The following FANCA variants were observed in gnomAD, a reference collection of about 807,000 sequenced individuals.
FANCA encodes FA complementation group A.
In FANCA, 236 loss-of-function variants were observed where a neutral mutation model predicts 194.3. That is an observed-to-expected ratio of 1.21 (90% confidence interval 1.09 to 1.35). FANCA has a LOEUF of 1.35. Ranked by LOEUF, FANCA falls within the 40% of genes most tolerant of loss-of-function variation. The pLI is 0.00. For missense variants in FANCA, 2,628 were observed against 1,813.9 expected (o/e 1.45, Z -8.15); for synonymous variants, 1,014 against 715.8 (o/e 1.42, Z -6.65).
intron 30 of FANCA, among the ~76,000 whole-genome samples, chr16:89,754,662 C>G (rs1352418700): frequency 6.6e-6 from 1 of 152,078 alleles, no homozygotes; most frequent in African/African-American, 2.4e-5. Flanking sequence ...AGCCACCATG[C>G]CTGGCCAGAC....
rs13336566 is a variant in FANCA at position 89,799,202 on chromosome 16, T to C, written c.857A>G (p.Gln286Arg). 766 of 1,614,102 alleles carry C rather than the reference T, an allele frequency of 4.7e-4. 4 individuals carry two copies. In the African/African-American group the frequency reaches 9.5e-3, roughly 20 times the overall value. ...GATCTTGTGAGTGGAGGACTCCTCCTGTACTCCAGCAGCCAAAGCGTCAAG... is the reference window on the plus strand; with the variant it reads ...GATCTTGTGAGTGGAGGACTCCTCCCGTACTCCAGCAGCCAAAGCGTCAAG... The part of the protein sequence containing the change: ...FALDALAAGV[Q>R]EESSTHKIVR... The change falls in exon 10 of 43, where the codon CAG becomes CGG. Residue 286 changes from glutamine (Q) to arginine (R), a missense_variant. Transcript: ENST00000389301.
At chr16:89,812,986 T>C (rs1414334437) in intron 3 of FANCA, among the ~76,000 whole-genome samples, 2 of 147,486 alleles carry the variant, frequency 1.4e-5, no homozygotes, top group Admixed American at 1.4e-4. Flanking sequence ...TGAGCCGAGA[T>C]GGCGCCATTG....
Position 89,738,434 on chromosome 16 carries a change from A to G in FANCA, c.*167T>C. The G allele has an allele frequency of 7.3e-7, 1 of 1,377,386 alleles. No homozygotes were observed. The highest frequency in any genetic ancestry group is 9.9e-7 in the Non-Finnish European group (1 of 1,009,470). 85.3% of individuals were successfully genotyped at this position (1,377,386 alleles called of 1,614,324 possible). Reference sequence around the variant, plus strand: ...GGACCAGTGGTTTATTTTCCCGCAAACGCTGAGTGACTCGGGGCCGGACAG... The same window carrying G: ...GGACCAGTGGTTTATTTTCCCGCAAGCGCTGAGTGACTCGGGGCCGGACAG... On this transcript the variant is annotated 3_prime_UTR_variant, in exon 43 of 43. Transcript: ENST00000389301.
At chr16:89,775,881 C>A in intron 20 of FANCA, 66 bp from the exon 21 acceptor site, 1 of 964,698 alleles carries the variant, frequency 1.0e-6, no homozygotes, top group South Asian at 1.4e-5. Flanking sequence ...ATTACAATCC[C>A]CAAATCTATT....
chr16:89,771,576 G>T, intron 23 of FANCA, 102 bp downstream of exon 23: 1 of 1,375,680 alleles, frequency 7.3e-7, no homozygotes. Context: ...CACTAACTGA[G>T]CAAGTCAAAC....
At chr16:89,774,334 G>C (rs1453339579) in intron 21 of FANCA, among the ~76,000 whole-genome samples, 2 of 150,488 alleles carry the variant, frequency 1.3e-5, no homozygotes, top group African/African-American at 2.4e-5. Flanking sequence ...GAGGATCCTG[G>C]GGGAAGGAGG....
intron 31 of FANCA, among the ~76,000 whole-genome samples, chr16:89,750,454 G>A (rs1343347633): frequency 6.8e-6 from 1 of 147,788 alleles, no homozygotes; most frequent in Non-Finnish European, 1.5e-5. Context: ...CTGCACTTCA[G>A]ACTGGGCAAC....
chr16:89,776,201 A>G lies in FANCA; in HGVS notation c.1827-386T>C, dbSNP rs1598121920. 2.7e-5 allele frequency among the ~76,000 whole-genome samples: 3 copies of G among 112,990 alleles called. No individual in the cohort carries two copies. The South Asian group carries it at 8.4e-4, about 32-fold the overall frequency. The allele number at this position is 112,990 out of a possible 152,430, so 74.1% of individuals were successfully genotyped here. On this transcript the variant is annotated intron_variant, in intron 20 of 42. Transcript: ENST00000389301. ...TTTTTTTTTTGAGACAGAGTCTCCCACTATCACCCACACTGGAGTGCAGTG... is the reference window on the plus strand; with the variant it reads ...TTTTTTTTTTGAGACAGAGTCTCCCGCTATCACCCACACTGGAGTGCAGTG...
In FANCA at chr16:89,813,057, A is replaced by C. The variant is rs144222802; in HGVS notation, c.283+1463T>G. On this transcript the variant is annotated intron_variant, in intron 3 of 42. Coordinates refer to ENST00000389301, the MANE Select transcript of FANCA (RefSeq NM_000135.4). ...CAAAAAAAAAAAAAAAAAATTTTAC[A>C]ATAGTTCTAGAAGCTTAAAATTATA... is the stretch of plus-strand genomic sequence containing the variant. 6.5e-3 allele frequency among the ~76,000 whole-genome samples: 994 copies of C among 151,866 alleles called. 11 individuals are homozygous for C. The highest frequency in any genetic ancestry group is 0.054 in the South Asian group (261 of 4,796).
intron 17 of FANCA, among the ~76,000 whole-genome samples, chr16:89,782,561 C>T (rs1291967562): frequency 6.6e-6 from 1 of 151,760 alleles, no homozygotes; most frequent in African/African-American, 2.4e-5. Flanking sequence ...AAAAACATGA[C>T]GAACCACCTC....
intron 1 of FANCA, 184 bp downstream of exon 1, chr16:89,816,353 C>G: frequency 3.0e-6 from 1 of 330,272 alleles, no homozygotes; most frequent in Non-Finnish European, 5.2e-6. Flanking sequence ...TCCGCCCAGG[C>G]GCAGGAGGGG....
intron 36 of FANCA, among the ~76,000 whole-genome samples, chr16:89,743,300 C>T (rs1598064085): frequency 6.6e-6 from 1 of 152,236 alleles, no homozygotes; most frequent in Admixed American, 6.5e-5. Context: ...GGCATTCCCT[C>T]CTACAACAGA....
chr16:89,743,003 A>G, intron 36 of FANCA, 65 bp from the exon 37 acceptor site: 1 of 1,574,786 alleles, frequency 6.4e-7, no homozygotes, highest in Non-Finnish European at 8.7e-7. Context: ...ATAGAAACCA[A>G]GTCCTTATTC....
chr16:89,816,559 C>T lies in FANCA; in HGVS notation c.57G>A (p.Arg19=). ...TACCCAGCAGCTCGGCCCAGGCCCTCCGGCGGCCCCCTGGGTCCTGGCCCG... is the reference window on the plus strand; with the variant it reads ...TACCCAGCAGCTCGGCCCAGGCCCTTCGGCGGCCCCCTGGGTCCTGGCCCG... ...SASGQDPGGR[R]RAWAELLAGR... The change falls in exon 1 of 43, where the codon CGG becomes CGA. Residue 19 remains arginine, a synonymous_variant. Transcript: ENST00000389301. 1.3e-6 allele frequency: 2 copies of T among 1,511,764 alleles called. No individual in the cohort carries two copies. Among genetic ancestry groups the T allele is most frequent in the East Asian group, 2.7e-5 (1 of 37,562 alleles). The allele number at this position is 1,511,764 out of a possible 1,614,324, so 93.6% of individuals were successfully genotyped here. A position where few individuals can be genotyped will look rare whatever the true frequency, so the allele number is the denominator to read the frequency against.
At chr16:89,794,873 A>G (rs556876126) in intron 11 of FANCA, among the ~76,000 whole-genome samples, 2 of 152,340 alleles carry the variant, frequency 1.3e-5, no homozygotes, top group Non-Finnish European at 2.9e-5. Context: ...AGTCTAGCTG[A>G]GAACCATGAC....
intron 32 of FANCA, among the ~76,000 whole-genome samples, chr16:89,749,140 G>C (rs2038493337): frequency 1.3e-5 from 2 of 152,154 alleles, no homozygotes; most frequent in African/African-American, 4.8e-5. Context: ...CAGCCGCCGT[G>C]GGCATTTCTG....
chr16:89,743,807 G>A (rs1249821831), intron 36 of FANCA, among the ~76,000 whole-genome samples: 1 of 151,692 alleles, frequency 6.6e-6, no homozygotes, highest in East Asian at 1.9e-4. Flanking sequence ...TGGGTGACAA[G>A]AGTGAAACTC....
At chr16:89,808,481 G>A (rs35674389) in intron 5 of FANCA, 114 bp from the exon 6 acceptor site, 57 of 1,102,346 alleles carry the variant, frequency 5.2e-5, no homozygotes, top group African/African-American at 1.6e-4. Context: ...TAACCATGCC[G>A]TATTGAAAAT....
chr16:89,739,072 G>C, intron 41 of FANCA, 61 bp downstream of exon 41: 1 of 1,613,890 alleles, frequency 6.2e-7, no homozygotes, highest in Non-Finnish European at 8.5e-7. Flanking sequence ...ACATTCTTTG[G>C]CAGAAGGAGC....
Sources: allele counts gnomAD v4.1 joint callset (sites outside exome capture counted in the v4.1 genomes callset), GRCh38; gene constraint gnomAD v4.1.1; transcripts MANE v1.5; gene names NCBI Gene and HGNC (gene_info 2026-07-23, HGNC 2026-07-21).